Variants in HECTD4 observed in about 807,000 individuals in gnomAD.
HECTD4 encodes the protein HECT domain E3 ubiquitin protein ligase 4.
Under a neutral mutation model 471.5 loss-of-function variants are expected in HECTD4, and 114 were observed. The ratio of observed to expected loss-of-function variants is 0.24; its 90% CI spans 0.21 to 0.28. HECTD4 has a LOEUF of 0.28. Ranked by LOEUF, HECTD4 falls within the 10% of genes least tolerant of loss-of-function variation. The pLI is 1.00. For missense variants in HECTD4, 3,866 were observed against 5,651.5 expected, an observed-to-expected ratio of 0.68 and a Z score of 10.13; for synonymous variants, 2,012 against 2,256.0, an observed-to-expected ratio of 0.89 and a Z score of 3.07.
intron 4 of HECTD4, among the ~76,000 whole-genome samples, chr12:112,312,043 CG>C (rs1376364440): frequency 2.6e-5 from 4 of 152,154 alleles, no homozygotes; most frequent in Non-Finnish European, 5.9e-5. Context: ...GGGGGCCTGC[CG>C]CTTAGATTCT....
In HECTD4 at chr12:112,188,265, G is replaced by T. The variant is rs1435771035; in HGVS notation, c.9472+2521C>A. Among the ~76,000 whole-genome samples, 1 of 152,104 alleles carries T rather than the reference G, an allele frequency of 6.6e-6. No individual in the cohort carries two copies. The highest frequency in any genetic ancestry group is 1.5e-5 in the Non-Finnish European group (1 of 68,026). On this transcript the variant is annotated intron_variant, in intron 60 of 75. Coordinates refer to ENST00000682272, the MANE Select transcript of HECTD4 (RefSeq NM_001388303.1). The surrounding 1 kb of genome is among the most constrained non-coding windows in gnomAD (Gnocchi z 4.2). ...GATCGCACCACTGCGCTCCAGCCTG[G>T]GTGACAGAGTGAGACTACATTTCAA...
chr12:112,167,780 G>T, intron 71 of HECTD4, 34 bp downstream of exon 71: 1 of 1,560,120 alleles, frequency 6.4e-7, no homozygotes, highest in South Asian at 1.1e-5. Flanking sequence ...ACATGAGCTC[G>T]GGGGCGTGGA....
chr12:112,200,939 A>G (rs1159258842), intron 54 of HECTD4, 141 bp from the exon 55 acceptor site: 4 of 746,252 alleles, frequency 5.4e-6, no homozygotes, highest in African/African-American at 5.3e-5. Flanking sequence ...TTTAGGTATT[A>G]TAATTTGTAA....
At chr12:112,169,848 CT>C (rs1344675517) in intron 69 of HECTD4, 190 bp from the exon 70 acceptor site, 3 of 660,184 alleles carry the variant, frequency 4.5e-6, no homozygotes, top group Non-Finnish European at 7.9e-6. Flanking sequence ...ATGGCTCCCA[CT>C]TTTGGAACCT....
intron 34 of HECTD4, among the ~76,000 whole-genome samples, 172 bp from the exon 35 acceptor site, chr12:112,237,270 A>T (rs1207647554): frequency 6.6e-6 from 1 of 152,210 alleles, no homozygotes; most frequent in Non-Finnish European, 1.5e-5. Context: ...TAGTTATTTT[A>T]AAAATAACTC....
At chr12:112,204,343 T>G in intron 53 of HECTD4, 143 bp downstream of exon 53, 1 of 791,340 alleles carries the variant, frequency 1.3e-6, no homozygotes, top group Non-Finnish European at 2.0e-6. Flanking sequence ...GGGCTTCACA[T>G]GGGGCGGTGT....
chr12:112,173,689 C>T lies in HECTD4; in HGVS notation c.11595-828G>A, dbSNP rs574811856. On this transcript the variant is annotated intron_variant, in intron 66 of 75. Coordinates refer to ENST00000682272, the MANE Select transcript of HECTD4 (RefSeq NM_001388303.1). This position sits in a 1 kb window ranked among gnomAD's most constrained non-coding sequence, Gnocchi z 4.3. ...GATTACAGGCGTGAGCCAATGCGCC[C>T]GGCCAATTTTTAATTTTTTTTTGTA... 2.6e-5 allele frequency among the ~76,000 whole-genome samples: 4 copies of T among 151,770 alleles called. No homozygotes were observed. The highest frequency in any genetic ancestry group is 2.1e-4 in the South Asian group (1 of 4,800).
intron 60 of HECTD4, among the ~76,000 whole-genome samples, chr12:112,189,416 G>T (rs1280860470): frequency 6.6e-6 from 1 of 151,744 alleles, no homozygotes; most frequent in Non-Finnish European, 1.5e-5. Flanking sequence ...GCCAGGCGTG[G>T]TGGTGGGCGC....
intron 68 of HECTD4, 129 bp downstream of exon 68, chr12:112,170,988 T>G: frequency 1.4e-6 from 1 of 699,652 alleles, no homozygotes; most frequent in Non-Finnish European, 2.3e-6. Context: ...GCCTGCTACA[T>G]GAAAGGTTGA....
At chr12:112,218,169 A>AC (rs1189487059) in intron 45 of HECTD4, among the ~76,000 whole-genome samples, 20 of 152,050 alleles carry the variant, frequency 1.3e-4, no homozygotes, top group Non-Finnish European at 1.5e-4. Flanking sequence ...AAAAAAAAAA[A>AC]AAAATTCATA....
chr12:112,257,506 T>C (rs976156347), intron 20 of HECTD4, among the ~76,000 whole-genome samples: 2 of 152,262 alleles, frequency 1.3e-5, no homozygotes, highest in Non-Finnish European at 2.9e-5. Flanking sequence ...AGTTTCCTTC[T>C]TCCTCTTTGT....
intron 1 of HECTD4, among the ~76,000 whole-genome samples, chr12:112,339,505 T>C (rs1417803993): frequency 6.6e-6 from 1 of 152,082 alleles, no homozygotes; most frequent in Admixed American, 6.5e-5. Context: ...GTTGGTCTTG[T>C]ACAGCTGACC....
intron 52 of HECTD4, among the ~76,000 whole-genome samples, chr12:112,207,243 AAGC>A (rs2032619758): frequency 2.6e-5 from 4 of 152,130 alleles, no homozygotes; most frequent in Admixed American, 6.6e-5. Context: ...TCCTGGGTTC[AAGC>A]GATTCTCCTG....
intron 64 of HECTD4, among the ~76,000 whole-genome samples, chr12:112,178,596 A>G (rs2031547715): frequency 6.6e-6 from 1 of 152,188 alleles, no homozygotes; most frequent in Non-Finnish European, 1.5e-5. Context: ...GTGGGAGGCC[A>G]GTGCAGGCTG....
chr12:112,308,502 T>C (rs1226445561), intron 6 of HECTD4, among the ~76,000 whole-genome samples: 1 of 149,470 alleles, frequency 6.7e-6, no homozygotes, highest in East Asian at 1.9e-4. Context: ...TTTGACTGTC[T>C]AGAATTTTTT....
rs1010902689 is a variant in HECTD4, at chr12:112,251,874, C to T, written c.3552+550G>A. 3.9e-5 allele frequency among the ~76,000 whole-genome samples: 6 copies of T among 152,256 alleles called. No homozygotes were observed. The East Asian group carries it at 7.7e-4, about 20-fold the overall frequency. ...TGCAATCTCTGCCTCCTGGTTCAAG[C>T]GATTCTCCTCCCTCAGCCTCTCGAA... On this transcript the variant is annotated intron_variant, in intron 23 of 75. Coordinates refer to ENST00000682272, the MANE Select transcript of HECTD4 (RefSeq NM_001388303.1).
At chr12:112,250,475 CATTCTGTGTTAAGTA>C in intron 24 of HECTD4, 98 bp from the exon 25 acceptor site, 1 of 849,362 alleles carries the variant, frequency 1.2e-6, no homozygotes, top group Non-Finnish European at 1.9e-6. Context: ...TGAAGGATCA[CATTCTGTGTTAAGTA>C]ATTACTCATC....
In HECTD4 at chr12:112,173,725, C is replaced by A. The variant is rs1487014238; in HGVS notation, c.11595-864G>T. On this transcript the variant is annotated intron_variant, in intron 66 of 75. Transcript: ENST00000682272. The surrounding 1 kb of genome is among the most constrained non-coding windows in gnomAD (Gnocchi z 4.3). ...TAATTTTTTTTTGTAGAGATGGGGT[C>A]TCGTTGTGTTGCCCAGGCTGTTCTT... 6.6e-6 allele frequency among the ~76,000 whole-genome samples: 1 copy of A among 151,420 alleles called. No homozygotes were observed. Among genetic ancestry groups the A allele is most frequent in the Non-Finnish European group, 1.5e-5 (1 of 67,900 alleles).
rs2033477359 is a variant in HECTD4 at position 112,235,442 on chromosome 12, G to T, written c.5725+62C>A. 1 of 1,540,112 alleles carries T rather than the reference G, an allele frequency of 6.5e-7. No individual in the cohort carries two copies. The highest frequency in any genetic ancestry group is 8.8e-7 in the Non-Finnish European group (1 of 1,142,182). The stretch of plus-strand genomic sequence containing the variant: ...TCATAGGAAGCACAGATGCAAGGGG[G>T]ACCTGACTGGGCACAGGAATGCTGC... On this transcript the variant is annotated intron_variant, in intron 36 of 75. Coordinates refer to ENST00000682272, the MANE Select transcript of HECTD4 (RefSeq NM_001388303.1). This position sits in a 1 kb window ranked among gnomAD's most constrained non-coding sequence, Gnocchi z 5.0.
Sources: gnomAD v4.1 joint callset for allele counts (sites outside exome capture counted in the v4.1 genomes callset) on GRCh38, gnomAD v4.1.1 for gene constraint, Gnocchi (gnomAD v3.1) non-coding constraint, MANE v1.5 for transcripts, NCBI Gene and HGNC (gene_info 2026-07-23, HGNC 2026-07-21) for gene names.